The following TSHZ3 variants were observed in gnomAD, a reference collection of about 807,000 sequenced individuals.
TSHZ3 encodes the protein teashirt homolog 3.
TSHZ3 carries 10 observed loss-of-function variants against 64.5 expected under a neutral mutation model. The ratio of observed to expected loss-of-function variants is 0.16; its 90% CI spans 0.10 to 0.26. The LOEUF is 0.26. Ranked by LOEUF, TSHZ3 falls within the 10% of genes least tolerant of loss-of-function variation. The probability of loss-of-function intolerance (pLI) is 1.00; values close to 1 mark genes in which losing one functional copy is unlikely to be tolerated. For missense variants in TSHZ3, 1,242 were observed against 1,421.7 expected (o/e 0.87, Z 2.03); for synonymous variants, 608 against 593.1 (o/e 1.03, Z -0.36).
chr19:31,155,866 A>G (rs551127798), intron 6 of TSHZ3, among the ~76,000 whole-genome samples: 3 of 152,298 alleles, frequency 2.0e-5, no homozygotes, highest in East Asian at 1.9e-4. Context: ...GCCTTCCCCA[A>G]CTTCCTGGAG....
chr19:31,301,346 C>G (rs1976754104), intron 1 of TSHZ3, among the ~76,000 whole-genome samples: 1 of 152,146 alleles, frequency 6.6e-6, no homozygotes, highest in Non-Finnish European at 1.5e-5. Flanking sequence ...TTGGTGTAGC[C>G]AGCCCCACAC....
intron 1 of TSHZ3, among the ~76,000 whole-genome samples, chr19:31,292,026 T>C (rs1976575410): frequency 6.6e-6 from 1 of 152,190 alleles, no homozygotes; most frequent in African/African-American, 2.4e-5. Flanking sequence ...CATTCCTCTT[T>C]GAGTTCAATA....
chr19:31,162,571 A>T (rs1974385912), intron 5 of TSHZ3, among the ~76,000 whole-genome samples: 1 of 152,112 alleles, frequency 6.6e-6, no homozygotes, highest in Admixed American at 6.5e-5. Context: ...TCCACCTCAC[A>T]GCACACGTCA....
downstream of TSHZ3, chr19:31,274,939 A>T (rs1403654780): frequency 2.0e-5 from 3 of 152,370 alleles, no homozygotes; most frequent in Non-Finnish European, 4.4e-5. Flanking sequence ...TGAACGCAAC[A>T]CAAAATTATA....
downstream of TSHZ3, among the ~76,000 whole-genome samples, chr19:31,272,781 C>A (rs1250248705): frequency 6.6e-6 from 1 of 152,128 alleles, no homozygotes; most frequent in African/African-American, 2.4e-5. Flanking sequence ...TAAGATACTG[C>A]GTACATGTGA....
chr19:31,197,001 G>A (rs1975002636), intron 5 of TSHZ3, among the ~76,000 whole-genome samples: 1 of 151,830 alleles, frequency 6.6e-6, no homozygotes, highest in South Asian at 2.1e-4. Context: ...AGCAACCTCA[G>A]GATATACATT....
Position 31,278,089 on chromosome 19 carries a change from C to A in TSHZ3, c.1704G>T (p.Gly568=), listed in dbSNP as rs772639035. Residue 568 remains glycine, a synonymous_variant, in exon 2 of 2, where the codon GGG becomes GGT. Coordinates refer to ENST00000240587, the MANE Select transcript of TSHZ3 (RefSeq NM_020856.4). This position sits in a 1 kb window ranked among gnomAD's most constrained non-coding sequence, Gnocchi z 4.7. ...NMMKLSLGSS[G]KSTPLKPMFG... ...ACATGGGTTTCAGGGGCGTGCTCTT[C>A]CCCGACGAGCCCAGGGACAACTTCA... The A allele has an allele frequency of 6.2e-7, 1 of 1,614,150 alleles. No homozygotes were observed. Among genetic ancestry groups the A allele is most frequent in the South Asian group, 1.1e-5 (1 of 91,082 alleles).
chr19:31,323,345 G>A (rs1916831349), intron 1 of TSHZ3, among the ~76,000 whole-genome samples: 4 of 152,136 alleles, frequency 2.6e-5, no homozygotes. Flanking sequence ...ATGGTTTGGG[G>A]GCCTTTAAAA....
intron 1 of TSHZ3, among the ~76,000 whole-genome samples, chr19:31,320,266 A>G (rs181828095): frequency 1.3e-3 from 198 of 152,282 alleles, no homozygotes; most frequent in Non-Finnish European, 1.5e-3. Flanking sequence ...CCCAAGCAAT[A>G]CTAGGCTCGT....
At chr19:31,219,905 C>A (rs1346427191) in intron 4 of TSHZ3, among the ~76,000 whole-genome samples, 9 of 149,794 alleles carry the variant, frequency 6.0e-5, no homozygotes, top group Admixed American at 2.7e-4. Flanking sequence ...AATTTGATTA[C>A]ATTAAAATAT....
chr19:31,261,402 G>C (rs1241676875), intron 1 of TSHZ3, among the ~76,000 whole-genome samples: 2 of 152,184 alleles, frequency 1.3e-5, no homozygotes, highest in Non-Finnish European at 2.9e-5. Context: ...AGCCCGAGGG[G>C]TGGCCTTGGA....
intron 1 of TSHZ3, among the ~76,000 whole-genome samples, chr19:31,269,491 C>G (rs546345081): frequency 1.3e-5 from 2 of 152,024 alleles, no homozygotes; most frequent in African/African-American, 4.8e-5. Flanking sequence ...TTTACCCAGC[C>G]CTGGTTTCTG....
rs1326188203 is a variant in TSHZ3 at position 31,213,418 on chromosome 19, A to G, written n.687-8340T>C. On this transcript the variant is annotated intron_variant and non_coding_transcript_variant, in intron 4 of 6. Transcript: ENST00000651361. ...CAGTGGTGTCCAGGGGTAAGGAGGG[A>G]AGGATGAATAGGCAGAGCACAGAAG... 2.2e-5 allele frequency among the ~76,000 whole-genome samples: 3 copies of G among 139,432 alleles called. No homozygotes were observed. In the Admixed American group the frequency reaches 2.3e-4, roughly 11 times the overall value. The allele number at this position is 139,432 out of a possible 152,430, so 91.5% of individuals were successfully genotyped here.
chr19:31,300,814 A>T, intron 1 of TSHZ3, among the ~76,000 whole-genome samples: 1 of 152,164 alleles, frequency 6.6e-6, no homozygotes, highest in East Asian at 1.9e-4. Context: ...TCCACCCAGA[A>T]CCAGCTAGAT....
chr19:31,219,385 C>T (rs1975371671), intron 4 of TSHZ3, among the ~76,000 whole-genome samples: 2 of 152,074 alleles, frequency 1.3e-5, no homozygotes, highest in South Asian at 4.1e-4. Context: ...TTATCAAGTC[C>T]AATCAGTGGT....
At chr19:31,296,063 T>C (rs549544947) in intron 1 of TSHZ3, among the ~76,000 whole-genome samples, 8 of 151,238 alleles carry the variant, frequency 5.3e-5, no homozygotes, top group Middle Eastern at 6.8e-3. Context: ...CTCTAAGACA[T>C]AGCAGAAGGT....
intron 1 of TSHZ3, among the ~76,000 whole-genome samples, chr19:31,291,083 C>A (rs56066850): frequency 0.051 from 7,720 of 152,244 alleles, 432 homozygotes; most frequent in African/African-American, 0.14. Context: ...TAGCACAGCC[C>A]GAGTGGCCAG....
chr19:31,291,790 G>A (rs1976570359), intron 1 of TSHZ3, among the ~76,000 whole-genome samples: 1 of 152,228 alleles, frequency 6.6e-6, no homozygotes, highest in Non-Finnish European at 1.5e-5. Context: ...CTCACTCTGT[G>A]TGCCCTGGAG....
intron 5 of TSHZ3, among the ~76,000 whole-genome samples, chr19:31,187,489 A>G (rs1395597253): frequency 1.3e-5 from 2 of 152,032 alleles, no homozygotes; most frequent in African/African-American, 2.4e-5. Context: ...TTTTCATTAC[A>G]TATAACACAT....
Sources: gnomAD v4.1 joint callset for allele counts (sites outside exome capture counted in the v4.1 genomes callset) on GRCh38, gnomAD v4.1.1 for gene constraint, Gnocchi (gnomAD v3.1) non-coding constraint, MANE v1.5 for transcripts, NCBI Gene and HGNC (gene_info 2026-07-23, HGNC 2026-07-21) for gene names.